Variants in CDC14A observed in about 807,000 individuals in gnomAD.
The protein encoded by CDC14A is dual specificity protein phosphatase CDC14A.
Under a neutral mutation model 74.4 loss-of-function variants are expected in CDC14A, and 53 were observed. That is an observed-to-expected ratio of 0.71 (90% CI 0.57 to 0.89). CDC14A has a LOEUF of 0.89. Ranked by LOEUF, CDC14A falls within the 40% of genes least tolerant of loss-of-function variation. The probability of loss-of-function intolerance (pLI) is 0.00; values close to 1 mark genes in which losing one functional copy is unlikely to be tolerated. For synonymous variants in CDC14A, 247 were observed against 258.4 expected (o/e 0.96, Z 0.43); for missense variants, 646 against 713.7 (o/e 0.91, Z 1.08).
At position 100,468,004 on chromosome 1, in the gene CDC14A, A is replaced by G. The variant is rs1668013644; in HGVS notation, c.887A>G (p.His296Arg). ...GTLIACYVMK[H>R]YRFTHAEIIA... ...TTGATAGCCTGTTATGTAATGAAACACTACAGGTTTACACATGCTGAAATA... is the reference window on the plus strand; with the variant it reads ...TTGATAGCCTGTTATGTAATGAAACGCTACAGGTTTACACATGCTGAAATA... The change falls in exon 10 of 16, where the codon CAC becomes CGC. Residue 296 changes from histidine (H) to arginine (R), a missense_variant. His to Arg is a conservative substitution (Grantham distance 29). Coordinates refer to ENST00000336454, the MANE Select transcript of CDC14A (RefSeq NM_003672.4). 1.2e-6 allele frequency: 2 copies of G among 1,611,810 alleles called. No homozygotes were observed. Among genetic ancestry groups the G allele is most frequent in the African/African-American group, 1.3e-5 (1 of 74,710 alleles).
At chr1:100,412,710 A>ATATATATATTTTTTATATATATATATTT (rs1660909935) in intron 4 of CDC14A, among the ~76,000 whole-genome samples, 1 of 96,048 alleles carries the variant, frequency 1.0e-5, no homozygotes, top group African/African-American at 7.3e-5. Flanking sequence ...ATATATATAT[A>ATATATATATTTTTTATATATATATATTT]TATATATATA....
chr1:100,359,944 CTTTT>C (rs750715999), intron 2 of CDC14A, among the ~76,000 whole-genome samples: 5 of 124,690 alleles, frequency 4.0e-5, no homozygotes, highest in Non-Finnish European at 3.5e-5. Flanking sequence ...TCACCTTCTT[CTTTT>C]TTTTTTTTTT....
chr1:100,390,544 A>G (rs1403898355), intron 3 of CDC14A, among the ~76,000 whole-genome samples, 188 bp from the exon 4 acceptor site: 2 of 152,208 alleles, frequency 1.3e-5, no homozygotes, highest in Non-Finnish European at 2.9e-5. Flanking sequence ...TTCTTACATT[A>G]TGATTGGGCT....
upstream of CDC14A, chr1:100,351,892 ACCCC>A (rs199875341): frequency 0.021 from 25,925 of 1,251,506 alleles, 399 homozygotes; most frequent in Non-Finnish European, 0.024. Context: ...AAAGATGCAG[ACCCC>A]CTCAGTGTTG....
chr1:100,414,166 A>T (rs901239093), intron 4 of CDC14A, among the ~76,000 whole-genome samples: 3 of 152,182 alleles, frequency 2.0e-5, no homozygotes, highest in Non-Finnish European at 2.9e-5. Flanking sequence ...TATTTCCAGA[A>T]GTCAAAATAT....
intron 2 of CDC14A, among the ~76,000 whole-genome samples, chr1:100,357,638 G>T (rs1164352705): frequency 6.6e-6 from 1 of 151,614 alleles, no homozygotes; most frequent in African/African-American, 2.4e-5. Context: ...GGGTGTGCTT[G>T]TAGTCCCAGC....
At chr1:100,429,236 T>TAAATAAATAAATAAATAAATAA (rs1242910769) in intron 5 of CDC14A, among the ~76,000 whole-genome samples, 14 of 14,390 alleles carry the variant, frequency 9.7e-4, no homozygotes, top group Non-Finnish European at 1.6e-3. Flanking sequence ...TAAATAAATA[T>TAAATAAATAAATAAATAAATAA]AAAATAAAAT....
chr1:100,458,230 G>T (rs2101196468), intron 8 of CDC14A, among the ~76,000 whole-genome samples: 1 of 152,270 alleles, frequency 6.6e-6, no homozygotes, highest in Middle Eastern at 3.4e-3. Flanking sequence ...TTGGCGTGTG[G>T]ATTCAAACAT....
chr1:100,485,416 A>T lies in CDC14A; in HGVS notation c.1137+965A>T, dbSNP rs28364898. On this transcript the variant is annotated intron_variant, in intron 11 of 15. Transcript: ENST00000336454. ...AGGACCTGTTCAAAATAGTGGAACA[A>T]GCTAGGCAGCGTGATGTGTGCCTGT... 5.9e-3 allele frequency: 3,658 copies of T among 624,378 alleles called. 122 individuals are homozygous for T. In the African/African-American group the frequency reaches 0.068, roughly 12 times the overall value. The allele number at this position is 624,378 out of a possible 1,614,324, so 38.7% of individuals were successfully genotyped here. A position where few individuals can be genotyped will look rare whatever the true frequency, so the allele number is the denominator to read the frequency against.
In CDC14A at chr1:100,352,994, T is replaced by C. The variant is rs1216724649; in HGVS notation, c.40T>C (p.Phe14Leu). The stretch of plus-strand genomic sequence containing the variant: ...AGGGGAACTAATCGGGGCTTGTGAG[T>C]TCATGAAAGGTGAGGAGCAGCCGCC... ...ESGELIGACEFMKDRLYFATL... is the reference protein window; with the variant it reads ...ESGELIGACELMKDRLYFATL... The change falls in exon 1 of 16, where the codon TTC (phenylalanine) becomes CTC (leucine). Residue 14 changes from phenylalanine to leucine, a missense_variant. By Grantham distance (22) the Phe-to-Leu change is conservative (BLOSUM62 0). Coordinates refer to ENST00000336454, the MANE Select transcript of CDC14A (RefSeq NM_003672.4). 6.2e-7 allele frequency: 1 copy of C among 1,613,988 alleles called. No individual in the cohort carries two copies. The highest frequency in any genetic ancestry group is 2.2e-5 in the East Asian group (1 of 44,884).
In CDC14A at chr1:100,459,344, T is replaced by C. The variant is rs549309568; in HGVS notation, c.608-3307T>C. Among the ~76,000 whole-genome samples, 5 of 152,298 alleles carry C rather than the reference T, an allele frequency of 3.3e-5. No individual in the cohort carries two copies. In the East Asian group the frequency reaches 9.6e-4, roughly 29 times the overall value. ...CCTATATATCACAGTGGGAGAAATA[T>C]GATCCTCACTGCAGGCACCTAGTGA... On this transcript the variant is annotated intron_variant, in intron 8 of 15. Coordinates refer to ENST00000336454, the MANE Select transcript of CDC14A (RefSeq NM_003672.4).
chr1:100,387,374 A>G (rs1467439880), intron 3 of CDC14A, among the ~76,000 whole-genome samples: 1 of 152,184 alleles, frequency 6.6e-6, no homozygotes. Flanking sequence ...TTGACCTCGG[A>G]GATGCTGGCC....
intron 10 of CDC14A, among the ~76,000 whole-genome samples, chr1:100,468,350 C>G (rs1272383566): frequency 6.6e-6 from 1 of 152,058 alleles, no homozygotes; most frequent in Non-Finnish European, 1.5e-5. Flanking sequence ...CTGTCATTTT[C>G]TATGTGTGAT....
At chr1:100,401,987 G>A (rs143160771) in intron 4 of CDC14A, among the ~76,000 whole-genome samples, 8,181 of 151,634 alleles carry the variant, frequency 0.054, 413 homozygotes, top group African/African-American at 0.13. Context: ...GTGGTGAGCC[G>A]AGATCGCGCC....
intron 15 of CDC14A, 117 bp from the exon 16 acceptor site, chr1:100,518,134 C>T: frequency 1.5e-6 from 1 of 684,026 alleles, no homozygotes; most frequent in Non-Finnish European, 2.6e-6. Flanking sequence ...TCTGTTTTGG[C>T]TTAGTTTATT....
chr1:100,448,646 C>T (rs955631240), intron 7 of CDC14A, among the ~76,000 whole-genome samples: 1 of 152,254 alleles, frequency 6.6e-6, no homozygotes, highest in Non-Finnish European at 1.5e-5. Context: ...ATTCTGGTCA[C>T]ACTGGCTAGG....
intron 5 of CDC14A, among the ~76,000 whole-genome samples, chr1:100,427,683 A>C (rs748990873): frequency 3.9e-5 from 6 of 152,198 alleles, no homozygotes; most frequent in Non-Finnish European, 8.8e-5. Context: ...TGAGGGAGCA[A>C]GTATACTAAA....
chr1:100,377,251 G>T (rs1655398670), intron 2 of CDC14A, among the ~76,000 whole-genome samples: 1 of 152,088 alleles, frequency 6.6e-6, no homozygotes, highest in Non-Finnish European at 1.5e-5. Flanking sequence ...TGTTGGTCAG[G>T]CTGGTCTCGA....
intron 5 of CDC14A, among the ~76,000 whole-genome samples, chr1:100,431,988 T>C (rs1663744723): frequency 6.6e-6 from 1 of 152,246 alleles, no homozygotes; most frequent in Non-Finnish European, 1.5e-5. Context: ...TCAGGTGACC[T>C]TTTAAGCCAT....
Sources: gnomAD v4.1 joint callset for allele counts (sites outside exome capture counted in the v4.1 genomes callset) on GRCh38, gnomAD v4.1.1 for gene constraint, MANE v1.5 for transcripts, NCBI Gene and HGNC (gene_info 2026-07-23, HGNC 2026-07-21) for gene names.